PISD: variants seen among roughly 807,000 people sequenced by gnomAD.
PISD encodes the protein phosphatidylserine decarboxylase.
A neutral mutation model predicts 43.5 loss-of-function variants in PISD; 31 were observed. That is an observed-to-expected ratio of 0.71 (90% confidence interval 0.54 to 0.96). The LOEUF (loss-of-function observed/expected upper bound fraction) is 0.96. Among genes scored for constraint, PISD ranks in the 40% least tolerant of loss-of-function variants. The pLI is 0.00. For synonymous variants in PISD, 259 were observed against 228.7 expected (o/e 1.13, Z -1.20); for missense variants, 523 against 548.4 (o/e 0.95, Z 0.46).
rs944084018 is a variant in PISD, at chr22:31,648,460, G to A, written c.146-184C>T. The stretch of plus-strand genomic sequence containing the variant: ...TGGGAGGCCGAGGCAGGCGGATCAC[G>A]AGGTCAGGAGATCGAGACCACGGTG... On this transcript the variant is annotated intron_variant, in intron 2 of 7. Transcript: ENST00000439502. Among the ~76,000 whole-genome samples the A allele has an allele frequency of 1.4e-4, 21 of 152,076 alleles. No homozygotes were observed. In the South Asian group the frequency reaches 1.7e-3, roughly 12 times the overall value.
intron 2 of PISD, 107 bp from the exon 3 acceptor site, chr22:31,648,383 A>C: frequency 1.1e-6 from 1 of 891,320 alleles, no homozygotes; most frequent in East Asian, 2.7e-5. Context: ...GCACCTCAGA[A>C]GCCCTCAGTA....
chr22:31,642,659 G>A (rs905473893), intron 3 of PISD, among the ~76,000 whole-genome samples: 8 of 150,338 alleles, frequency 5.3e-5, no homozygotes, highest in Non-Finnish European at 1.0e-4. Flanking sequence ...TGGGCGTGGT[G>A]GTGCGCGCAC....
chr22:31,657,927 G>A (rs1260055065), intron 1 of PISD, among the ~76,000 whole-genome samples: 2 of 152,232 alleles, frequency 1.3e-5, no homozygotes, highest in East Asian at 1.9e-4. Flanking sequence ...GAGTTCAACC[G>A]TTTTAATTTA....
chr22:31,645,083 T>C (rs112595939), intron 3 of PISD, among the ~76,000 whole-genome samples: 3,933 of 152,054 alleles, frequency 0.026, 149 homozygotes, highest in African/African-American at 0.089. Context: ...ATCATGCCAC[T>C]GCATTCCAGC....
rs1212389302 is a variant in PISD at position 31,630,460 on chromosome 22, T to A, written c.322-8575A>T. Reference sequence around the variant, plus strand: ...CCCTCACTTCCTGCAGCCGCCTCACTGCAGGCACCCCCTCACTTCCCGCGG... The same window carrying A: ...CCCTCACTTCCTGCAGCCGCCTCACAGCAGGCACCCCCTCACTTCCCGCGG... On this transcript the variant is annotated intron_variant, in intron 3 of 7. Transcript: ENST00000439502. This position sits in a 1 kb window ranked among gnomAD's most constrained non-coding sequence, Gnocchi z 4.4. 1 of 152,700 alleles carries A rather than the reference T, an allele frequency of 6.5e-6. No homozygotes were observed. Among genetic ancestry groups the A allele is most frequent in the Non-Finnish European group, 1.5e-5 (1 of 68,624 alleles). The allele number at this position is 152,700 out of a possible 1,614,324, so 9.5% of individuals were successfully genotyped here.
intron 3 of PISD, among the ~76,000 whole-genome samples, chr22:31,622,389 AAGG>A (rs2072634242): frequency 6.6e-6 from 1 of 152,200 alleles, no homozygotes; most frequent in African/African-American, 2.4e-5. Context: ...TAACAGGAAG[AAGG>A]AGGATACCCT....
chr22:31,641,284 A>C (rs559343248), intron 3 of PISD, among the ~76,000 whole-genome samples: 1 of 152,258 alleles, frequency 6.6e-6, no homozygotes, highest in Non-Finnish European at 1.5e-5. Context: ...CTCTTCGGCA[A>C]TCCAAATTGC....
chr22:31,631,067 T>G (rs771021267), intron 3 of PISD, among the ~76,000 whole-genome samples: 5 of 152,168 alleles, frequency 3.3e-5, no homozygotes, highest in Non-Finnish European at 7.4e-5. Flanking sequence ...CAGCTCTGCT[T>G]GGTCACTGTC....
At position 31,618,731 on chromosome 22, in the gene PISD, C is replaced by T. The variant is rs577097646; in HGVS notation, c.*881G>A. 2 of 262,412 alleles carry T rather than the reference C, an allele frequency of 7.6e-6. No homozygotes were observed. The highest frequency in any genetic ancestry group is 2.5e-4 in the South Asian group (2 of 7,960). 16.3% of individuals were successfully genotyped at this position (262,412 alleles called of 1,614,324 possible). ...GATAAACTGGGACAGGTTTTCCAGG[C>T]ACTGACCAACTATCCACCAAGGGTC... is the stretch of plus-strand genomic sequence containing the variant. On this transcript the variant is annotated 3_prime_UTR_variant, in exon 8 of 8. Coordinates refer to ENST00000439502, the MANE Select transcript of PISD (RefSeq NM_001326411.2).
chr22:31,629,270 TGGA>T (rs1231213590), intron 3 of PISD: 87 of 975,406 alleles, frequency 8.9e-5, no homozygotes, highest in Admixed American at 1.2e-4. Context: ...TGTGTGTGCA[TGGA>T]GGATACGTGT....
Position 31,630,859 on chromosome 22 carries a change from G to A in PISD, c.322-8974C>T, listed in dbSNP as rs554406047. 4.6e-5 allele frequency: 45 copies of A among 985,468 alleles called. 1 individual carries two copies. In the South Asian group the frequency reaches 1.9e-3, roughly 41 times the overall value. The allele number at this position is 985,468 out of a possible 1,614,324, so 61.0% of individuals were successfully genotyped here. On this transcript the variant is annotated intron_variant, in intron 3 of 7. Transcript: ENST00000439502. This position sits in a 1 kb window ranked among gnomAD's most constrained non-coding sequence, Gnocchi z 4.4. ...CTCCCTAGGGGCGCTCCCGGAGCCG[G>A]GAAGCCTTGGGGCGAGTGGGCGGGG...
At chr22:31,635,799 T>C (rs575807902) in intron 3 of PISD, among the ~76,000 whole-genome samples, 1 of 152,220 alleles carries the variant, frequency 6.6e-6, no homozygotes, top group East Asian at 1.9e-4. Flanking sequence ...GCCAGCCAGT[T>C]CCAGTGGCAT....
At position 31,662,183 on chromosome 22, in the gene PISD, C is replaced by T. The variant is rs977078764; in HGVS notation, c.26G>A (p.Cys9Tyr). 2 of 1,605,868 alleles carry T rather than the reference C, an allele frequency of 1.2e-6. No individual in the cohort carries two copies. The highest frequency in any genetic ancestry group is 1.7e-6 in the Non-Finnish European group (2 of 1,179,844). The change falls in exon 1 of 8, where the codon TGT becomes TAT. Residue 9 changes from cysteine (C) to tyrosine (Y), a missense_variant. Coordinates refer to ENST00000439502, the MANE Select transcript of PISD (RefSeq NM_001326411.2). Reference protein sequence around the residue: MATSVGHRCLGLLHGVAPW... With the variant: MATSVGHRYLGLLHGVAPW... ...CGCGACCCCGTGCAGTAATCCCAGA[C>T]ATCGGTGCCCCACGGACGTCGCCAT...
chr22:31,657,325 T>C (rs1302075658), intron 1 of PISD, among the ~76,000 whole-genome samples: 4 of 152,006 alleles, frequency 2.6e-5, no homozygotes, highest in Non-Finnish European at 2.9e-5. Context: ...TTAGTAGAGA[T>C]GGGGTTTCAC....
intron 3 of PISD, among the ~76,000 whole-genome samples, chr22:31,624,264 C>T (rs1409127459): frequency 2.0e-5 from 3 of 152,262 alleles, no homozygotes; most frequent in Middle Eastern, 3.4e-3. Flanking sequence ...CCTCAGCCTC[C>T]GCAGCCCAGG....
chr22:31,633,855 A>G (rs548112938), intron 3 of PISD, among the ~76,000 whole-genome samples: 1 of 152,238 alleles, frequency 6.6e-6, no homozygotes, highest in Non-Finnish European at 1.5e-5. Context: ...ATTTTGAACA[A>G]TCACTTACAA....
intron 2 of PISD, among the ~76,000 whole-genome samples, chr22:31,649,347 C>T (rs576871508): frequency 6.6e-6 from 1 of 152,294 alleles, no homozygotes; most frequent in African/African-American, 2.4e-5. Context: ...AAAACTCCCC[C>T]AAAACTCTTA....
intron 3 of PISD, chr22:31,629,055 T>G (rs2073060500): frequency 2.0e-5 from 20 of 985,490 alleles, no homozygotes; most frequent in Non-Finnish European, 2.3e-5. Flanking sequence ...CATGCTGTTT[T>G]GGGGATCCAT....
At chr22:31,660,923 C>G (rs1446855671) in intron 1 of PISD, among the ~76,000 whole-genome samples, 1 of 152,008 alleles carries the variant, frequency 6.6e-6, no homozygotes, top group Non-Finnish European at 1.5e-5. Context: ...TTAGTAGAGA[C>G]AGGGTTTCAC....
Sources: gnomAD v4.1 joint callset for allele counts (sites outside exome capture counted in the v4.1 genomes callset) on GRCh38, gnomAD v4.1.1 for gene constraint, Gnocchi (gnomAD v3.1) non-coding constraint, MANE v1.5 for transcripts, NCBI Gene and HGNC (gene_info 2026-07-23, HGNC 2026-07-21) for gene names.